Variants in AUTS2 observed in about 807,000 individuals in gnomAD.
AUTS2 encodes autism susceptibility gene 2 protein.
In AUTS2, 17 loss-of-function variants were observed where a neutral mutation model predicts 112.4. The ratio of observed to expected loss-of-function variants is 0.15; its 90% CI spans 0.10 to 0.23. The LOEUF is 0.23. AUTS2 is among the 10% of genes least tolerant of loss of function. The pLI is 1.00. For missense variants in AUTS2, 1,510 were observed against 1,701.6 expected, an observed-to-expected ratio of 0.89 and a Z score of 1.98; for synonymous variants, 751 against 702.7, an observed-to-expected ratio of 1.07 and a Z score of -1.09.
chr7:69,642,311 A>T (rs563418144), intron 1 of AUTS2, among the ~76,000 whole-genome samples: 42 of 152,320 alleles, frequency 2.8e-4, no homozygotes, highest in African/African-American at 1.0e-3. Context: ...AAAAAATGGC[A>T]ACAAACAAAT....
At chr7:70,091,835 T>C (rs1300809442) in intron 2 of AUTS2, among the ~76,000 whole-genome samples, 1 of 152,206 alleles carries the variant, frequency 6.6e-6, no homozygotes, top group Non-Finnish European at 1.5e-5. Flanking sequence ...ACCCAACATG[T>C]AGGAATATAA....
intron 4 of AUTS2, chr7:70,290,369 G>A: frequency 6.7e-7 from 1 of 1,494,662 alleles, no homozygotes; most frequent in Non-Finnish European, 8.9e-7. Context: ...CCATTTCAGA[G>A]ATCAGGGAAG....
intron 4 of AUTS2, among the ~76,000 whole-genome samples, chr7:70,336,648 A>G (rs1791003926): frequency 6.6e-6 from 1 of 152,188 alleles, no homozygotes; most frequent in African/African-American, 2.4e-5. Flanking sequence ...TTGGGTAAAA[A>G]TAATTCTTCA....
At chr7:70,081,802 T>C (rs1043316223) in intron 2 of AUTS2, among the ~76,000 whole-genome samples, 2 of 152,150 alleles carry the variant, frequency 1.3e-5, no homozygotes, top group African/African-American at 2.4e-5. Context: ...TCTAATAAAC[T>C]TGAAGGTTAC....
chr7:69,915,929 G>A (rs1287133770), intron 2 of AUTS2, among the ~76,000 whole-genome samples: 1 of 152,168 alleles, frequency 6.6e-6, no homozygotes, highest in Non-Finnish European at 1.5e-5. Flanking sequence ...GTGGTGCCCA[G>A]GCTGGTCTCG....
At chr7:70,468,747 C>T (rs527694660) in intron 5 of AUTS2, among the ~76,000 whole-genome samples, 10 of 151,866 alleles carry the variant, frequency 6.6e-5, no homozygotes, top group South Asian at 6.2e-4. Flanking sequence ...ATCAAAGAGT[C>T]GGGTCACTAA....
chr7:69,958,859 G>A (rs2129546761), intron 2 of AUTS2, among the ~76,000 whole-genome samples: 1 of 152,272 alleles, frequency 6.6e-6, no homozygotes, highest in South Asian at 2.1e-4. Flanking sequence ...GTGGTTGCCT[G>A]CCTCTTTTTG....
intron 4 of AUTS2, among the ~76,000 whole-genome samples, chr7:70,239,803 A>G (rs1812514145): frequency 6.6e-6 from 1 of 152,194 alleles, no homozygotes; most frequent in African/African-American, 2.4e-5. Context: ...GGAATTCTTG[A>G]AAAATTAATT....
chr7:70,037,643 C>G (rs963396970), intron 2 of AUTS2, among the ~76,000 whole-genome samples: 4 of 151,946 alleles, frequency 2.6e-5, no homozygotes, highest in Non-Finnish European at 5.9e-5. Context: ...ATACTCACTA[C>G]TCTTCTTTTA....
intron 5 of AUTS2, among the ~76,000 whole-genome samples, chr7:70,668,899 G>A (rs1403980573): frequency 6.6e-6 from 1 of 152,190 alleles, no homozygotes; most frequent in African/African-American, 2.4e-5. Context: ...GGGTGGTGGT[G>A]GCTGGGGAGA....
At chr7:69,743,312 G>A (rs560386811) in intron 1 of AUTS2, among the ~76,000 whole-genome samples, 78 of 152,238 alleles carry the variant, frequency 5.1e-4, no homozygotes, top group African/African-American at 1.7e-3. Flanking sequence ...GTACTTTAGC[G>A]TTCATCAGTG....
At chr7:70,332,960 A>G (rs982540146) in intron 4 of AUTS2, among the ~76,000 whole-genome samples, 4 of 152,228 alleles carry the variant, frequency 2.6e-5, no homozygotes, top group Admixed American at 2.6e-4. Flanking sequence ...CAAAATTGAC[A>G]AATGGGATCT....
At chr7:70,000,112 T>C (rs1799118637) in intron 2 of AUTS2, among the ~76,000 whole-genome samples, 2 of 152,236 alleles carry the variant, frequency 1.3e-5, no homozygotes, top group Non-Finnish European at 2.9e-5. Context: ...CTCAAAGTGT[T>C]CCTGCTATGT....
intron 6 of AUTS2, among the ~76,000 whole-genome samples, chr7:70,724,530 C>T (rs985281649): frequency 6.8e-6 from 1 of 146,432 alleles, no homozygotes; most frequent in Non-Finnish European, 1.5e-5. Flanking sequence ...ACTGCAAGCT[C>T]CACCTCCTCG....
intron 2 of AUTS2, among the ~76,000 whole-genome samples, chr7:70,099,865 G>A (rs776583695): frequency 2.6e-5 from 4 of 152,012 alleles, no homozygotes; most frequent in Non-Finnish European, 5.9e-5. Flanking sequence ...ACAAGTGTTT[G>A]TTCTTCTACA....
rs149613399 is a variant in AUTS2 at position 70,007,423 on chromosome 7, T to C, written c.522+107925T>C. ...TCCTTGTAGCTTTTTTTTAGAGTTA[T>C]GTGTGCCTGTATTTCTCTTGTATAC... On this transcript the variant is annotated intron_variant, in intron 2 of 18. Coordinates refer to ENST00000342771, the MANE Select transcript of AUTS2 (RefSeq NM_015570.4). 3.3e-5 allele frequency among the ~76,000 whole-genome samples: 5 copies of C among 152,336 alleles called. No homozygotes were observed. In the East Asian group the frequency reaches 9.6e-4, roughly 29 times the overall value.
chr7:70,740,256 G>C (rs1788025513), intron 6 of AUTS2, among the ~76,000 whole-genome samples: 1 of 152,188 alleles, frequency 6.6e-6, no homozygotes, highest in South Asian at 2.1e-4. Context: ...GCAGCAGCAG[G>C]CTTTTTACAG....
intron 5 of AUTS2, among the ~76,000 whole-genome samples, chr7:70,554,214 G>A (rs1471971511): frequency 2.6e-5 from 4 of 151,118 alleles, no homozygotes; most frequent in East Asian, 2.0e-4. Context: ...GATTACAGGC[G>A]TGTACCACCA....
At chr7:70,533,254 C>T (rs1364133576) in intron 5 of AUTS2, among the ~76,000 whole-genome samples, 1 of 152,134 alleles carries the variant, frequency 6.6e-6, no homozygotes, top group Non-Finnish European at 1.5e-5. Flanking sequence ...TAGCTGGGAC[C>T]ACAGGCATGG....
Sources: gnomAD v4.1 joint callset for allele counts (sites outside exome capture counted in the v4.1 genomes callset) on GRCh38, gnomAD v4.1.1 for gene constraint, MANE v1.5 for transcripts, NCBI Gene and HGNC (gene_info 2026-07-23, HGNC 2026-07-21) for gene names.